The following MCHR2 variants were observed in gnomAD, a reference collection of about 807,000 sequenced individuals.
MCHR2 encodes the protein melanin-concentrating hormone receptor 2.
Under a neutral mutation model 24.8 loss-of-function variants are expected in MCHR2, and 15 were observed. The observed-to-expected ratio is 0.60, with a 90% confidence interval of 0.40 to 0.93. MCHR2 has a LOEUF of 0.93. Ranked by LOEUF, MCHR2 falls within the 40% of genes least tolerant of loss-of-function variation. The probability of loss-of-function intolerance (pLI) is 0.00; values close to 1 mark genes in which losing one functional copy is unlikely to be tolerated. For missense variants in MCHR2, 386 were observed against 408.7 expected (o/e 0.94, Z 0.48); for synonymous variants, 151 against 147.6 (o/e 1.02, Z -0.17).
intron 5 of MCHR2, among the ~76,000 whole-genome samples, chr6:99,926,833 C>T (rs6917545): frequency 0.99 from 150,273 of 152,292 alleles, 74,162 homozygotes; most frequent in Middle Eastern, 1. Context: ...CGAAGCTCTT[C>T]AGTTTAATTA....
chr6:99,987,090 G>GTATTTATTTATT (rs71024682), intron 1 of MCHR2, among the ~76,000 whole-genome samples: 1 of 149,460 alleles, frequency 6.7e-6, no homozygotes, highest in Non-Finnish European at 1.5e-5. Context: ...GTGTTGTGTT[G>GTATTTATTTATT]TATTTATTTA....
chr6:99,920,593 T>G lies in MCHR2; in HGVS notation c.*347A>C, dbSNP rs1774203444. 1 of 237,356 alleles carries G rather than the reference T, an allele frequency of 4.2e-6. No homozygotes were observed. The highest frequency in any genetic ancestry group is 8.3e-6 in the Non-Finnish European group (1 of 119,932). The allele number at this position is 237,356 out of a possible 1,614,324, so 14.7% of individuals were successfully genotyped here. On this transcript the variant is annotated 3_prime_UTR_variant, in exon 6 of 6. Transcript: ENST00000281806. ...AAACTGTTACAGTGAGGCCACAGTG[T>G]GGAGGGCAAGGTCAGGTTCCTTGGT...
intron 1 of MCHR2, among the ~76,000 whole-genome samples, chr6:99,973,832 C>A (rs1582404772): frequency 6.6e-6 from 1 of 152,096 alleles, no homozygotes; most frequent in African/African-American, 2.4e-5. Flanking sequence ...CTTAGTTCGG[C>A]TGGATATGAA....
intron 1 of MCHR2, among the ~76,000 whole-genome samples, chr6:99,965,107 G>T (rs79687144): frequency 1.3e-3 from 202 of 152,194 alleles, no homozygotes; most frequent in African/African-American, 4.5e-3. Flanking sequence ...TGGCTTTCTT[G>T]TCCTTGGTAG....
chr6:99,926,292 C>G (rs1774356261), intron 5 of MCHR2, among the ~76,000 whole-genome samples: 1 of 152,060 alleles, frequency 6.6e-6, no homozygotes, highest in Non-Finnish European at 1.5e-5. Context: ...CCACAATAAA[C>G]ATACGTATGC....
chr6:99,989,677 G>T (rs1349118798), intron 1 of MCHR2, among the ~76,000 whole-genome samples: 1 of 152,022 alleles, frequency 6.6e-6, no homozygotes, highest in Admixed American at 6.6e-5. Context: ...TGCTTAATAA[G>T]CCATCACTGC....
intron 1 of MCHR2, among the ~76,000 whole-genome samples, chr6:99,960,018 C>G (rs937858034): frequency 1.3e-5 from 2 of 151,936 alleles, no homozygotes; most frequent in African/African-American, 2.4e-5. Context: ...CATCCAGATT[C>G]AAGAAGACCA....
intron 1 of MCHR2, among the ~76,000 whole-genome samples, chr6:99,986,644 G>C (rs1317630442): frequency 6.6e-6 from 1 of 152,038 alleles, no homozygotes; most frequent in African/African-American, 2.4e-5. Context: ...ATACAGAGAG[G>C]AATAATAGAC....
intron 1 of MCHR2, among the ~76,000 whole-genome samples, chr6:99,980,486 G>A (rs1775645799): frequency 6.6e-6 from 1 of 152,140 alleles, no homozygotes; most frequent in Non-Finnish European, 1.5e-5. Flanking sequence ...CTTCTGAGAG[G>A]CAGGGAAGAG....
intron 1 of MCHR2, among the ~76,000 whole-genome samples, chr6:99,977,546 GA>G (rs1249562622): frequency 6.6e-6 from 1 of 151,420 alleles, no homozygotes; most frequent in African/African-American, 2.4e-5. Flanking sequence ...CCTCTGCAAA[GA>G]AAAAAAAGTC....
At chr6:99,923,020 T>C (rs890420775) in intron 5 of MCHR2, among the ~76,000 whole-genome samples, 5 of 152,194 alleles carry the variant, frequency 3.3e-5, no homozygotes, top group African/African-American at 1.2e-4. Flanking sequence ...TTCCAAACAA[T>C]GAATGTGGAA....
At chr6:99,935,546 GT>G (rs907429085) in intron 4 of MCHR2, among the ~76,000 whole-genome samples, 1 of 151,768 alleles carries the variant, frequency 6.6e-6, no homozygotes, top group African/African-American at 2.4e-5. Context: ...GGATTTTGTT[GT>G]TTTTTATGGA....
chr6:99,934,552 G>T, intron 4 of MCHR2, 35 bp from the exon 5 acceptor site: 2 of 1,435,676 alleles, frequency 1.4e-6, no homozygotes, highest in South Asian at 1.4e-5. Flanking sequence ...GAGAGAGAAA[G>T]AACAACACCA....
chr6:99,973,322 CTTCT>C (rs1775473112), intron 1 of MCHR2, among the ~76,000 whole-genome samples: 1 of 151,826 alleles, frequency 6.6e-6, no homozygotes, highest in African/African-American at 2.4e-5. Context: ...ATGTAATGGC[CTTCT>C]TTGTCTCTTT....
At chr6:99,935,182 C>G (rs942868109) in intron 4 of MCHR2, among the ~76,000 whole-genome samples, 2 of 151,946 alleles carry the variant, frequency 1.3e-5, no homozygotes, top group African/African-American at 4.8e-5. Flanking sequence ...ATATCCATCA[C>G]CTTAAATATT....
intron 5 of MCHR2, among the ~76,000 whole-genome samples, chr6:99,929,272 T>G (rs555738459): frequency 6.6e-6 from 1 of 152,260 alleles, no homozygotes; most frequent in East Asian, 1.9e-4. Context: ...GTGGTCAATT[T>G]TGGAATAGGT....
chr6:99,991,808 C>CAAA (rs3038469), intron 1 of MCHR2, among the ~76,000 whole-genome samples: 3 of 82,060 alleles, frequency 3.7e-5, no homozygotes, highest in Admixed American at 1.5e-4. Flanking sequence ...GACTCCGTCT[C>CAAA]AAAAAAAAAA....
Position 99,943,095 on chromosome 6 carries a change from C to T in MCHR2, c.441G>A (p.Arg147=), listed in dbSNP as rs1204280431. ...CCAAATTGATCCGGATGGTCTTGTA[C>T]CTTGTTCTCCAACGTGTCAGTCGAA... ...QPFRLTRWRT[R]YKTIRINLGL... The change falls in exon 4 of 6, where the codon AGG becomes AGA. Residue 147 remains arginine, a synonymous_variant. Coordinates refer to ENST00000281806, the MANE Select transcript of MCHR2 (RefSeq NM_001040179.2). The T allele has an allele frequency of 1.2e-6, 2 of 1,612,148 alleles. No homozygotes were observed. Among genetic ancestry groups the T allele is most frequent in the Non-Finnish European group, 1.7e-6 (2 of 1,178,796 alleles).
Position 99,965,678 on chromosome 6 carries a change from T to C in MCHR2, c.-27-9504A>G, listed in dbSNP as rs1229559725. Among the ~76,000 whole-genome samples the C allele has an allele frequency of 3.3e-5, 5 of 152,174 alleles. No homozygotes were observed. The East Asian group carries it at 5.8e-4, about 18-fold the overall frequency. On this transcript the variant is annotated intron_variant, in intron 1 of 5. Transcript: ENST00000281806. ...AGTTAACTTTTATGACACTTGTTTT[T>C]TAAGCACTTCTATAAGTTTAAAAAA...
Sources: allele counts gnomAD v4.1 joint callset (sites outside exome capture counted in the v4.1 genomes callset), GRCh38; gene constraint gnomAD v4.1.1; transcripts MANE v1.5; gene names NCBI Gene and HGNC (gene_info 2026-07-23, HGNC 2026-07-21).